Variants in RBFOX3 observed in about 807,000 individuals in gnomAD.
RBFOX3 encodes RNA binding protein fox-1 homolog 3.
In RBFOX3, 17 loss-of-function variants were observed where a neutral mutation model predicts 48.7. The ratio of observed to expected loss-of-function variants is 0.35; its 90% CI spans 0.24 to 0.52. RBFOX3 has a LOEUF of 0.52. RBFOX3 is among the 20% of genes least tolerant of loss of function. The probability of loss-of-function intolerance (pLI) is 0.94; values close to 1 mark genes in which losing one functional copy is unlikely to be tolerated. For missense variants in RBFOX3, 382 were observed against 497.5 expected (o/e 0.77, Z 2.21); for synonymous variants, 212 against 209.5 (o/e 1.01, Z -0.10).
At position 79,265,834 on chromosome 17, in the gene RBFOX3, G is replaced by A. The variant is rs769497663; in HGVS notation, c.-73-30029C>T. ...CAGGCCTGCCAACTCTGGGCAGGTC[G>A]TGTCTACCGCCAGCTCCAGGTGACT... is the stretch of plus-strand genomic sequence containing the variant. On this transcript the variant is annotated intron_variant, in intron 3 of 14. Transcript: ENST00000693108. 8.4e-4 allele frequency among the ~76,000 whole-genome samples: 128 copies of A among 152,186 alleles called. 1 individual carries two copies. Among genetic ancestry groups the A allele is most frequent in the African/African-American group, 2.8e-3 (114 of 41,448 alleles).
rs2047108623 is a variant in RBFOX3, at chr17:79,162,159, TACCTTGC to T, written c.-33-46418_-33-46412del. On this transcript the variant is annotated intron_variant, in intron 4 of 14. Transcript: ENST00000693108. The stretch of plus-strand genomic sequence containing the variant: ...TAAACTAGCAGCACAATCCCAGCTT[TACCTTGC>T]AGAGCCAGACATAATGGGGCATTAG... 3.9e-5 allele frequency among the ~76,000 whole-genome samples: 6 copies of T among 152,352 alleles called. No individual in the cohort carries two copies. The South Asian group carries it at 1.2e-3, about 32-fold the overall frequency.
At chr17:79,291,673 C>G (rs1600453449) in intron 3 of RBFOX3, among the ~76,000 whole-genome samples, 1 of 152,192 alleles carries the variant, frequency 6.6e-6, no homozygotes, top group East Asian at 1.9e-4. Context: ...GGAGTTTTCT[C>G]TGAAGTCTGC....
chr17:79,158,786 T>C (rs2145202123), intron 4 of RBFOX3, among the ~76,000 whole-genome samples: 1 of 152,118 alleles, frequency 6.6e-6, no homozygotes, highest in Middle Eastern at 3.4e-3. Flanking sequence ...AGCCCCAATT[T>C]ATGTGATTTT....
intron 3 of RBFOX3, among the ~76,000 whole-genome samples, chr17:79,239,863 T>C (rs1045965502): frequency 1.8e-4 from 27 of 152,262 alleles, no homozygotes; most frequent in African/African-American, 6.5e-4. Context: ...TTTTGAAGCA[T>C]GGGATTGGAC....
chr17:79,402,234 C>A (rs1393728626), intron 2 of RBFOX3, among the ~76,000 whole-genome samples: 1 of 152,242 alleles, frequency 6.6e-6, no homozygotes, highest in African/African-American at 2.4e-5. Context: ...GTTTGCACCT[C>A]CTTTGCCAGT....
In RBFOX3 at chr17:79,480,765, C is replaced by T. The variant is rs576197403; in HGVS notation, c.-175+1689G>A. On this transcript the variant is annotated intron_variant, in intron 2 of 14. Coordinates refer to ENST00000693108, the MANE Select transcript of RBFOX3 (RefSeq NM_001350451.2). The surrounding 1 kb of genome is among the most constrained non-coding windows in gnomAD (Gnocchi z 4.8). ...CTCACAACATCAGCACCGGGGCCTG[C>T]CCTTCTGTCCTGGGCAACTGCAGCC... Among the ~76,000 whole-genome samples, 2 of 152,230 alleles carry T rather than the reference C, an allele frequency of 1.3e-5. No individual in the cohort carries two copies. Among genetic ancestry groups the T allele is most frequent in the Non-Finnish European group, 1.5e-5 (1 of 68,050 alleles).
rs547766774 is a variant in RBFOX3, at chr17:79,103,582, C to T, written c.415-328G>A. Among the ~76,000 whole-genome samples, 401 of 152,270 alleles carry T rather than the reference C, an allele frequency of 2.6e-3. 4 individuals are homozygous for T. The highest frequency in any genetic ancestry group is 9.4e-3 in the African/African-American group (389 of 41,560). On this transcript the variant is annotated intron_variant, in intron 7 of 14. Coordinates refer to ENST00000693108, the MANE Select transcript of RBFOX3 (RefSeq NM_001350451.2). The surrounding 1 kb of genome is among the most constrained non-coding windows in gnomAD (Gnocchi z 6.1). ...CATACCTGACCACAGGCCAGGCCTGCCCCCTGAACCCCACCTTGGGGTAGG... is the reference window on the plus strand; with the variant it reads ...CATACCTGACCACAGGCCAGGCCTGTCCCCTGAACCCCACCTTGGGGTAGG...
chr17:79,492,121 C>T (rs970369492), intron 1 of RBFOX3, among the ~76,000 whole-genome samples: 77 of 152,260 alleles, frequency 5.1e-4, no homozygotes, highest in African/African-American at 1.6e-3. Context: ...GTTTCAAGGC[C>T]GATGGGGCTG....
intron 2 of RBFOX3, among the ~76,000 whole-genome samples, chr17:79,452,559 T>C (rs1555742338): frequency 6.6e-6 from 1 of 152,022 alleles, no homozygotes; most frequent in Non-Finnish European, 1.5e-5. Context: ...GAATGGGTCA[T>C]TAAAGATCAC....
chr17:79,569,272 T>C (rs1359178693), intron 1 of RBFOX3, among the ~76,000 whole-genome samples: 1 of 152,156 alleles, frequency 6.6e-6, no homozygotes, highest in Non-Finnish European at 1.5e-5. Context: ...CAACCACTCG[T>C]CTACCCTCTG....
At position 79,097,435 on chromosome 17, in the gene RBFOX3, CGGG is replaced by C; in HGVS notation, c.623-14_623-12del. The C allele has an allele frequency of 6.5e-7, 1 of 1,539,632 alleles. No individual in the cohort carries two copies. The highest frequency in any genetic ancestry group is 8.8e-7 in the Non-Finnish European group (1 of 1,140,886). On this transcript the variant is annotated splice_polypyrimidine_tract_variant and intron_variant, in intron 10 of 14. Transcript: ENST00000693108. Reference sequence around the variant, plus strand: ...AGGGGAACCCCGTCACTGCAGGAAACGGGGCCCGAGACACGTGTGAGAGGCACA... The same window carrying C: ...AGGGGAACCCCGTCACTGCAGGAAACGCCCGAGACACGTGTGAGAGGCACA...
chr17:79,112,048 A>G (rs2031842306), intron 5 of RBFOX3, among the ~76,000 whole-genome samples: 1 of 152,214 alleles, frequency 6.6e-6, no homozygotes, highest in South Asian at 2.1e-4. Context: ...CCCATCACGG[A>G]TGAGCAGAGA....
chr17:79,146,632 G>A (rs983183790), intron 4 of RBFOX3, among the ~76,000 whole-genome samples: 7 of 152,230 alleles, frequency 4.6e-5, no homozygotes, highest in African/African-American at 1.7e-4. Flanking sequence ...GGGAGCAGCT[G>A]AGGGGCTGGT....
rs78477687 is a variant in RBFOX3, at chr17:79,326,068, G to A, written c.-174-18244C>T. Among the ~76,000 whole-genome samples the A allele has an allele frequency of 9.2e-5, 14 of 152,288 alleles. No homozygotes were observed. In the East Asian group the frequency reaches 2.5e-3, roughly 27 times the overall value. ...GCATCCTTTCCTACCACCGAAAGGCGCAGGTTAAGAACTAGCAAGAGGGGA... is the reference window on the plus strand; with the variant it reads ...GCATCCTTTCCTACCACCGAAAGGCACAGGTTAAGAACTAGCAAGAGGGGA... On this transcript the variant is annotated intron_variant, in intron 2 of 14. Coordinates refer to ENST00000693108, the MANE Select transcript of RBFOX3 (RefSeq NM_001350451.2).
the RBFOX3 span, among the ~76,000 whole-genome samples, chr17:79,660,590 A>G: frequency 6.6e-6 from 1 of 152,208 alleles, no homozygotes; most frequent in Admixed American, 6.5e-5. Context: ...CAAAACCACA[A>G]CAAGACTTCT....
At chr17:79,417,538 A>T (rs884651) in intron 2 of RBFOX3, among the ~76,000 whole-genome samples, 22,902 of 152,284 alleles carry the variant, frequency 0.15, 1,954 homozygotes, top group Non-Finnish European at 0.19. Context: ...CGACACCCAT[A>T]AGGATGGCTG....
At chr17:79,411,741 T>C (rs1451061725) in intron 2 of RBFOX3, among the ~76,000 whole-genome samples, 1 of 152,236 alleles carries the variant, frequency 6.6e-6, no homozygotes, top group Non-Finnish European at 1.5e-5. Context: ...ATGGTTGTTC[T>C]AGAGCACCCG....
chr17:79,620,232 C>T, the RBFOX3 span, among the ~76,000 whole-genome samples: 307 of 150,116 alleles, frequency 2.0e-3, 1 homozygote, highest in African/African-American at 7.1e-3. Context: ...CATGCACACA[C>T]GCACATGCAC....
At chr17:79,175,064 C>T (rs1461956597) in intron 4 of RBFOX3, among the ~76,000 whole-genome samples, 1 of 152,210 alleles carries the variant, frequency 6.6e-6, no homozygotes, top group African/African-American at 2.4e-5. Flanking sequence ...TTCCTCCATA[C>T]CTGGCAAGTC....
Sources: allele counts gnomAD v4.1 joint callset (sites outside exome capture counted in the v4.1 genomes callset), GRCh38; gene constraint gnomAD v4.1.1; non-coding constraint Gnocchi (gnomAD v3.1); transcripts MANE v1.5; gene names NCBI Gene and HGNC (gene_info 2026-07-23, HGNC 2026-07-21).